Variants in FSTL4 observed in about 807,000 individuals in gnomAD.
FSTL4 encodes the protein follistatin-related protein 4.
A neutral mutation model predicts 78.2 loss-of-function variants in FSTL4; 28 were observed. The observed-to-expected ratio is 0.36, with a 90% confidence interval of 0.27 to 0.49. FSTL4 has a LOEUF of 0.49. Among genes scored for constraint, FSTL4 ranks in the 20% least tolerant of loss-of-function variants. FSTL4 has a pLI of 0.98. For missense variants in FSTL4, 922 were observed against 1,084.9 expected, an observed-to-expected ratio of 0.85 and a Z score of 2.11; for synonymous variants, 422 against 440.5, an observed-to-expected ratio of 0.96 and a Z score of 0.53.
At chr5:133,271,646 TAG>T (rs763890064) in intron 6 of FSTL4, among the ~76,000 whole-genome samples, 1 of 152,344 alleles carries the variant, frequency 6.6e-6, no homozygotes, top group East Asian at 1.9e-4. Flanking sequence ...GAGTTTTTAT[TAG>T]AGAGTGAGTG....
At chr5:133,534,118 C>CA (rs1759307009) in intron 3 of FSTL4, among the ~76,000 whole-genome samples, 2 of 151,652 alleles carry the variant, frequency 1.3e-5, no homozygotes, top group South Asian at 4.2e-4. Flanking sequence ...AAGAACCCAT[C>CA]ACCTGGAAAA....
intron 3 of FSTL4, among the ~76,000 whole-genome samples, chr5:133,472,239 G>T (rs1757839824): frequency 2.0e-5 from 3 of 152,304 alleles, no homozygotes; most frequent in Admixed American, 2.0e-4. Flanking sequence ...CAGCCGATCT[G>T]TCAATCAAGT....
chr5:133,221,913 T>TTG lies in FSTL4; in HGVS notation c.1340-1048_1340-1047insCA, dbSNP rs1751138175. 2.7e-4 allele frequency among the ~76,000 whole-genome samples: 26 copies of TTG among 97,840 alleles called. 1 individual carries two copies. The highest frequency in any genetic ancestry group is 1.0e-3 in the African/African-American group (22 of 21,816). 64.2% of individuals were successfully genotyped at this position (97,840 alleles called of 152,430 possible). A position where few individuals can be genotyped will look rare whatever the true frequency, so the allele number is the denominator to read the frequency against. On this transcript the variant is annotated intron_variant, in intron 11 of 15. Transcript: ENST00000265342. Reference sequence around the variant, plus strand: ...CTAGTTTTTTTTTTTTTTTTTTTTTTTTTTTTTTTTTTTTAGCATGCTGAG... The same window carrying TTG: ...CTAGTTTTTTTTTTTTTTTTTTTTTTTGTTTTTTTTTTTTTTAGCATGCTGAG...
At chr5:133,464,002 AT>A (rs1757650015) in intron 3 of FSTL4, among the ~76,000 whole-genome samples, 1 of 152,164 alleles carries the variant, frequency 6.6e-6, no homozygotes, top group African/African-American at 2.4e-5. Flanking sequence ...ATTGTTTTGA[AT>A]TCAGTCTCAA....
At chr5:133,829,514 T>C in the FSTL4 span, among the ~76,000 whole-genome samples, 3 of 152,204 alleles carry the variant, frequency 2.0e-5, no homozygotes, top group Admixed American at 6.5e-5. Flanking sequence ...CTGCTCTATA[T>C]TGAGCACTTA....
At chr5:133,568,065 G>T (rs1252163364) in intron 2 of FSTL4, among the ~76,000 whole-genome samples, 1 of 152,152 alleles carries the variant, frequency 6.6e-6, no homozygotes, top group Non-Finnish European at 1.5e-5. Flanking sequence ...ACAAAAATGG[G>T]GGAGGGAGGG....
At chr5:133,681,248 C>A in the FSTL4 span, among the ~76,000 whole-genome samples, 5 of 152,350 alleles carry the variant, frequency 3.3e-5, no homozygotes, top group Admixed American at 6.5e-5. Flanking sequence ...TCATTCACTC[C>A]CTTCTTTCTC....
intron 8 of FSTL4, among the ~76,000 whole-genome samples, chr5:133,227,792 A>C (rs1751379542): frequency 6.6e-6 from 1 of 152,212 alleles, no homozygotes; most frequent in South Asian, 2.1e-4. Context: ...GTTTGTAAAA[A>C]CCAACAAAAC....
At chr5:133,610,854 G>A (rs1029312855) in intron 1 of FSTL4, among the ~76,000 whole-genome samples, 1 of 152,168 alleles carries the variant, frequency 6.6e-6, no homozygotes, top group African/African-American at 2.4e-5. Flanking sequence ...TCACTGATCC[G>A]TCTTTTCCCC....
chr5:133,422,188 C>T (rs554361239), intron 3 of FSTL4, among the ~76,000 whole-genome samples: 3 of 152,190 alleles, frequency 2.0e-5, no homozygotes, highest in South Asian at 2.1e-4. Flanking sequence ...GAGTTGGGGA[C>T]AGAGCAGCAG....
At chr5:133,646,051 C>T in the FSTL4 span, among the ~76,000 whole-genome samples, 2 of 152,156 alleles carry the variant, frequency 1.3e-5, no homozygotes, top group Non-Finnish European at 2.9e-5. Flanking sequence ...AAGACATGGT[C>T]CTACCCTCCT....
intron 6 of FSTL4, among the ~76,000 whole-genome samples, chr5:133,261,490 A>G (rs1752519942): frequency 6.6e-6 from 1 of 152,160 alleles, no homozygotes; most frequent in South Asian, 2.1e-4. Context: ...AAGGTTGGAC[A>G]CGCCTTGTTA....
the FSTL4 span, among the ~76,000 whole-genome samples, chr5:133,627,151 C>CTTTTTTTTTTTT: frequency 4.5e-4 from 42 of 93,000 alleles, no homozygotes; most frequent in Non-Finnish European, 5.1e-4. Flanking sequence ...CTCTGTGTCT[C>CTTTTTTTTTTTT]TTTTTTTTTT....
rs1389481830 is a variant in FSTL4 at position 133,365,073 on chromosome 5, A to T, written c.409+35665T>A. Among the ~76,000 whole-genome samples the T allele has an allele frequency of 4.6e-5, 7 of 152,098 alleles. No individual in the cohort carries two copies. The East Asian group carries it at 1.4e-3, about 29-fold the overall frequency. Reference sequence around the variant, plus strand: ...TTAGCGCACAGAAGGTTAATTGCCCAGTTTTTAATTAAATCAGTCATTTTT... The same window carrying T: ...TTAGCGCACAGAAGGTTAATTGCCCTGTTTTTAATTAAATCAGTCATTTTT... On this transcript the variant is annotated intron_variant, in intron 4 of 15. Transcript: ENST00000265342.
chr5:133,204,619 G>T (rs977521630), intron 14 of FSTL4, among the ~76,000 whole-genome samples: 1 of 152,026 alleles, frequency 6.6e-6, no homozygotes, highest in African/African-American at 2.4e-5. Context: ...ATCACTTGAG[G>T]TCAGGAGTTT....
intron 3 of FSTL4, among the ~76,000 whole-genome samples, chr5:133,536,451 A>G (rs185025): frequency 0.5 from 75,858 of 151,894 alleles, 19,228 homozygotes; most frequent in African/African-American, 0.57. Context: ...GTATGCTATG[A>G]CATGATTGTA....
intron 3 of FSTL4, among the ~76,000 whole-genome samples, chr5:133,456,923 C>T (rs1321022186): frequency 6.6e-6 from 1 of 152,038 alleles, no homozygotes; most frequent in Non-Finnish European, 1.5e-5. Context: ...CCATTTGTGC[C>T]CTGCTGACTT....
chr5:133,572,726 T>A (rs893941201), intron 2 of FSTL4, among the ~76,000 whole-genome samples: 8 of 152,090 alleles, frequency 5.3e-5, no homozygotes, highest in East Asian at 3.8e-4. Context: ...ATGATTTTTT[T>A]AAAAAAGATC....
At chr5:133,495,672 G>A (rs1390418688) in intron 3 of FSTL4, among the ~76,000 whole-genome samples, 2 of 152,100 alleles carry the variant, frequency 1.3e-5, no homozygotes, top group African/African-American at 2.4e-5. Flanking sequence ...GGACCACTCC[G>A]GGGCCTAACG....
Sources: gnomAD v4.1 joint callset for allele counts (sites outside exome capture counted in the v4.1 genomes callset) on GRCh38, gnomAD v4.1.1 for gene constraint, MANE v1.5 for transcripts, NCBI Gene and HGNC (gene_info 2026-07-23, HGNC 2026-07-21) for gene names.